The following MORF4L1 variants were observed in gnomAD, a reference collection of about 807,000 sequenced individuals.
MORF4L1 encodes mortality factor 4-like protein 1.
MORF4L1 carries 4 observed loss-of-function variants against 52.9 expected under a neutral mutation model. That is an observed-to-expected ratio of 0.08 (90% CI 0.04 to 0.17). The LOEUF (loss-of-function observed/expected upper bound fraction) is 0.17. Among genes scored for constraint, MORF4L1 ranks in the 10% least tolerant of loss-of-function variants. MORF4L1 has a pLI of 1.00. For synonymous variants in MORF4L1, 123 were observed against 134.8 expected (o/e 0.91, Z 0.61); for missense variants, 214 against 390.4 (o/e 0.55, Z 3.81).
At chr15:78,879,762 A>C (rs1045860242) in intron 2 of MORF4L1, among the ~76,000 whole-genome samples, 2 of 147,976 alleles carry the variant, frequency 1.4e-5, no homozygotes, top group Non-Finnish European at 3.0e-5. Context: ...AGATAGCAAG[A>C]CTGTCTCTAC....
chr15:78,883,584 TC>T (rs1395026886), intron 3 of MORF4L1, among the ~76,000 whole-genome samples: 1 of 152,216 alleles, frequency 6.6e-6, no homozygotes, highest in Non-Finnish European at 1.5e-5. Context: ...ATTTTTTTGT[TC>T]TCAACTAATT....
At chr15:78,896,639 A>G (rs1056142628) in intron 11 of MORF4L1, among the ~76,000 whole-genome samples, 1 of 152,028 alleles carries the variant, frequency 6.6e-6, no homozygotes, top group African/African-American at 2.4e-5. Flanking sequence ...AAATGTCTAG[A>G]TGTTCTTTTA....
intron 3 of MORF4L1, among the ~76,000 whole-genome samples, chr15:78,883,132 T>C (rs1392893915): frequency 6.6e-6 from 1 of 151,408 alleles, no homozygotes; most frequent in Non-Finnish European, 1.5e-5. Flanking sequence ...GGAGAATCGC[T>C]TGAACCCAGG....
chr15:78,873,043 C>G lies in MORF4L1; in HGVS notation c.26C>G (p.Pro9Arg). 6.4e-7 allele frequency: 1 copy of G among 1,552,634 alleles called. No individual in the cohort carries two copies. Among genetic ancestry groups the G allele is most frequent in the Non-Finnish European group, 8.7e-7 (1 of 1,147,328 alleles). ...ATGGCGCCGAAGCAGGACCCGAAGC[C>G]TAAATTCCAGGAGGGTGAGTGTGCG... MAPKQDPKPKFQEGERVLC... is the reference protein window; with the variant it reads MAPKQDPKRKFQEGERVLC... The change falls in exon 1 of 12, where the codon CCT becomes CGT. Residue 9 changes from proline to arginine, a missense_variant. By Grantham distance (103) the Pro-to-Arg change is moderately radical. Transcript: ENST00000426013.
chr15:78,890,078 G>GGAGT (rs890763331), intron 5 of MORF4L1, among the ~76,000 whole-genome samples: 2 of 152,054 alleles, frequency 1.3e-5, no homozygotes, highest in Non-Finnish European at 2.9e-5. Flanking sequence ...AAATGAGCTG[G>GGAGT]GAGTGGTGGT....
chr15:78,892,104 T>A (rs985498020), intron 7 of MORF4L1, 108 bp from the exon 8 acceptor site: 3 of 669,884 alleles, frequency 4.5e-6, no homozygotes, highest in Non-Finnish European at 7.8e-6. Flanking sequence ...GCTGTATGCT[T>A]GGCTACTTTA....
chr15:78,879,820 A>G (rs2056568410), intron 2 of MORF4L1, among the ~76,000 whole-genome samples: 1 of 152,042 alleles, frequency 6.6e-6, no homozygotes, highest in African/African-American at 2.4e-5. Flanking sequence ...TTTATCCCTG[A>G]ATGTTGTTAT....
intron 1 of MORF4L1, 30 bp downstream of exon 1, chr15:78,873,087 C>A: frequency 6.5e-7 from 1 of 1,550,130 alleles, no homozygotes; most frequent in Non-Finnish European, 8.7e-7. Flanking sequence ...AAAAAGGCAC[C>A]TAACGGCGCA....
At chr15:78,876,528 A>C (rs1182126589) in intron 1 of MORF4L1, 1 of 455,962 alleles carries the variant, frequency 2.2e-6, no homozygotes, top group Non-Finnish European at 4.4e-6. Context: ...TGGAGGTCAC[A>C]GGGCCTCGGT....
Position 78,893,647 on chromosome 15 carries a change from A to T in MORF4L1, c.629+20A>T. Reference sequence around the variant, plus strand: ...TAATAAGTAAGAATATACATTTTTCAGATGACACTCAAAAGACATTTAAAA... The same window carrying T: ...TAATAAGTAAGAATATACATTTTTCTGATGACACTCAAAAGACATTTAAAA... On this transcript the variant is annotated intron_variant, in intron 9 of 11. Coordinates refer to ENST00000426013, the MANE Select transcript of MORF4L1 (RefSeq NM_006791.4). 1 of 1,469,372 alleles carries T rather than the reference A, an allele frequency of 6.8e-7. No individual in the cohort carries two copies. Among genetic ancestry groups the T allele is most frequent in the Non-Finnish European group, 9.4e-7 (1 of 1,064,278 alleles). The allele number at this position is 1,469,372 out of a possible 1,614,324, so 91.0% of individuals were successfully genotyped here.
chr15:78,892,442 T>A, intron 8 of MORF4L1, 129 bp downstream of exon 8: 1 of 575,190 alleles, frequency 1.7e-6, no homozygotes, highest in Non-Finnish European at 3.1e-6. Context: ...TATTTTAATT[T>A]AGAGGCTGAA....
At chr15:78,878,299 A>G (rs1231101516) in intron 2 of MORF4L1, 40 bp downstream of exon 2, 5 of 1,589,942 alleles carry the variant, frequency 3.1e-6, no homozygotes, top group East Asian at 2.2e-5. Flanking sequence ...GGCCAAAACT[A>G]CTGGTTAGAT....
intron 2 of MORF4L1, among the ~76,000 whole-genome samples, chr15:78,878,523 C>CTG (rs1307238015): frequency 6.6e-6 from 1 of 152,128 alleles, no homozygotes; most frequent in Non-Finnish European, 1.5e-5. Context: ...GGAAGATGGG[C>CTG]TGTGGGAACA....
intron 1 of MORF4L1, among the ~76,000 whole-genome samples, chr15:78,876,180 C>T (rs553115099): frequency 8.5e-5 from 13 of 152,112 alleles, no homozygotes; most frequent in African/African-American, 3.1e-4. Context: ...TCGTGATCCG[C>T]CTACTTCGCC....
At position 78,892,460 on chromosome 15, in the gene MORF4L1, G is replaced by A. The variant is rs2056817592; in HGVS notation, c.540+147G>A. On this transcript the variant is annotated intron_variant, in intron 8 of 11. Transcript: ENST00000426013. ...TTTAATTTAGAGGCTGAACACTTTA[G>A]AACTACTACCAGAAAGAGTAAGTTA... 5 of 510,210 alleles carry A rather than the reference G, an allele frequency of 9.8e-6. No individual in the cohort carries two copies. In the East Asian group the frequency reaches 1.6e-4, roughly 16 times the overall value. The allele number at this position is 510,210 out of a possible 1,614,324, so 31.6% of individuals were successfully genotyped here.
At chr15:78,880,874 T>C (rs939870530) in intron 3 of MORF4L1, among the ~76,000 whole-genome samples, 4 of 151,720 alleles carry the variant, frequency 2.6e-5, no homozygotes, top group African/African-American at 9.7e-5. Flanking sequence ...TTTCTGTTTT[T>C]TTTTTTTTCC....
At chr15:78,878,131 A>C in intron 1 of MORF4L1, 82 bp from the exon 2 acceptor site, 1 of 1,419,446 alleles carries the variant, frequency 7.0e-7, no homozygotes, top group Non-Finnish European at 9.7e-7. Context: ...ATACCTTAAT[A>C]AAAGTGTGAT....
intron 3 of MORF4L1, among the ~76,000 whole-genome samples, chr15:78,881,506 T>A (rs1037733894): frequency 2.6e-5 from 4 of 151,948 alleles, no homozygotes; most frequent in Non-Finnish European, 5.9e-5. Context: ...TTTGTGTGTG[T>A]GTGTGTGTAT....
At chr15:78,882,239 C>G (rs2056616022) in intron 3 of MORF4L1, among the ~76,000 whole-genome samples, 1 of 152,124 alleles carries the variant, frequency 6.6e-6, no homozygotes, top group Admixed American at 6.6e-5. Flanking sequence ...TTACTTGAGC[C>G]CAGGAGTTTG....
Sources: allele counts gnomAD v4.1 joint callset (sites outside exome capture counted in the v4.1 genomes callset), GRCh38; gene constraint gnomAD v4.1.1; transcripts MANE v1.5; gene names NCBI Gene and HGNC (gene_info 2026-07-23, HGNC 2026-07-21).